The following ABL1 variants were observed in gnomAD, a reference collection of about 807,000 sequenced individuals.
ABL1 encodes ABL proto-oncogene 1, non-receptor tyrosine kinase.
ABL1 carries 11 observed loss-of-function variants against 94.7 expected under a neutral mutation model. The observed-to-expected ratio is 0.12, with a 90% confidence interval of 0.07 to 0.19. ABL1 has a LOEUF of 0.19. Among genes scored for constraint, ABL1 ranks in the 10% least tolerant of loss-of-function variants. The pLI is 1.00. For missense variants in ABL1, 1,082 were observed against 1,489.4 expected (o/e 0.73, Z 4.50); for synonymous variants, 656 against 622.4 (o/e 1.05, Z -0.80).
chr9:130,753,422 C>CTTTT (rs71389347), intron 1 of ABL1, among the ~76,000 whole-genome samples: 427 of 90,148 alleles, frequency 4.7e-3, no homozygotes, highest in African/African-American at 0.011. Flanking sequence ...TTTTTCTTTT[C>CTTTT]TTTTTTTTTT....
chr9:130,884,055 C>T lies in ABL1; in HGVS notation c.1765C>T (p.Arg589Cys), dbSNP rs754252285. 12 of 1,613,810 alleles carry T rather than the reference C, an allele frequency of 7.4e-6. No individual in the cohort carries two copies. The highest frequency in any genetic ancestry group is 1.6e-4 in the Middle Eastern group (1 of 6,084). The change falls in exon 11 of 11, where the codon CGC becomes TGC. Residue 589 changes from arginine (R) to cysteine (C), a missense_variant. Physicochemically the swap from Arg to Cys is radical, Grantham distance 180 (BLOSUM62 -3). Coordinates refer to ENST00000318560, the MANE Select transcript of ABL1 (RefSeq NM_005157.6). This position sits in a 1 kb window ranked among gnomAD's most constrained non-coding sequence, Gnocchi z 5.6. The stretch of plus-strand genomic sequence containing the variant: ...GGAGGGCGGCCTGAATGAAGATGAG[C>T]GCCTTCTCCCCAAAGACAAAAAGAC... ...PPEGGLNEDE[R>C]LLPKDKKTNL... is the part of the protein sequence containing the mutation.
chr9:130,816,066 A>G (rs1830282473), intron 1 of ABL1, among the ~76,000 whole-genome samples: 1 of 152,000 alleles, frequency 6.6e-6, no homozygotes, highest in Non-Finnish European at 1.5e-5. Context: ...CCTGGCAGTC[A>G]CCTGTGAGGC....
rs869234280 is a variant in ABL1, at chr9:130,859,677, C to CTTTTTTTTTTTTT, written c.550-3069_550-3057dup. Among the ~76,000 whole-genome samples the CTTTTTTTTTTTTT allele has an allele frequency of 9.9e-4, 78 of 78,452 alleles. 21 individuals are homozygous for CTTTTTTTTTTTTT. Among genetic ancestry groups the CTTTTTTTTTTTTT allele is most frequent in the African/African-American group, 4.6e-3 (68 of 14,850 alleles). 51.5% of individuals were successfully genotyped at this position (78,452 alleles called of 152,430 possible). ...AAACGCTGTTTCTTTTCTTTCTTTC[C>CTTTTTTTTTTTTT]TTTTTTTTTTTTTTTTTTTTTTTTT... is the stretch of plus-strand genomic sequence containing the variant. On this transcript the variant is annotated intron_variant, in intron 3 of 10. Coordinates refer to ENST00000318560, the MANE Select transcript of ABL1 (RefSeq NM_005157.6).
At chr9:130,810,451 G>A (rs951079587) in intron 1 of ABL1, among the ~76,000 whole-genome samples, 1 of 152,084 alleles carries the variant, frequency 6.6e-6, no homozygotes, top group East Asian at 1.9e-4. Flanking sequence ...AGCCAAGATC[G>A]TACCACTGCA....
At position 130,886,288 on chromosome 9, in the gene ABL1, C is replaced by T. The variant is rs33977130; in HGVS notation, c.*605C>T. On this transcript the variant is annotated 3_prime_UTR_variant, in exon 11 of 11. Transcript: ENST00000318560. ...GTGGGGTGCACTCGCCATTTCCTCA[C>T]GTGCAGGACAGCTCTTGATTTGGGT... is the stretch of plus-strand genomic sequence containing the variant. The T allele has an allele frequency of 0.035, 8,226 of 235,018 alleles. 587 individuals carry two copies. Among genetic ancestry groups the T allele is most frequent in the African/African-American group, 0.16 (7,080 of 45,418 alleles). 14.6% of individuals were successfully genotyped at this position (235,018 alleles called of 1,614,324 possible). A position where few individuals can be genotyped will look rare whatever the true frequency, so the allele number is the denominator to read the frequency against.
chr9:130,853,986 C>T, intron 1 of ABL1, 78 bp from the exon 2 acceptor site: 6 of 1,435,010 alleles, frequency 4.2e-6, no homozygotes, highest in Non-Finnish European at 5.7e-6. Context: ...AATATTTTTG[C>T]TTCTGAGAAT....
intron 1 of ABL1, among the ~76,000 whole-genome samples, chr9:130,751,770 A>G (rs1831970522): frequency 6.6e-6 from 1 of 152,120 alleles, no homozygotes; most frequent in African/African-American, 2.4e-5. Flanking sequence ...GCCTCAGAAA[A>G]CCAAATGCTT....
intron 4 of ABL1, among the ~76,000 whole-genome samples, chr9:130,864,322 T>A (rs1831122115): frequency 6.6e-6 from 1 of 152,174 alleles, no homozygotes; most frequent in Non-Finnish European, 1.5e-5. Flanking sequence ...CTCAGCTCAC[T>A]GCAACCTCCG....
chr9:130,737,007 G>A (rs991037728), intron 1 of ABL1, among the ~76,000 whole-genome samples: 1 of 152,152 alleles, frequency 6.6e-6, no homozygotes, highest in Non-Finnish European at 1.5e-5. Flanking sequence ...TGCTGAGTAG[G>A]TGCTTTTCAG....
chr9:130,737,094 T>G (rs2132705635), intron 1 of ABL1, among the ~76,000 whole-genome samples: 1 of 152,158 alleles, frequency 6.6e-6, no homozygotes, highest in Non-Finnish European at 1.5e-5. Flanking sequence ...AAGTATCAGT[T>G]TTTTTGTTTT....
intron 1 of ABL1, among the ~76,000 whole-genome samples, chr9:130,762,909 C>CAAAAAAA: frequency 1.1e-5 from 1 of 92,864 alleles, no homozygotes; most frequent in African/African-American, 3.4e-5. Flanking sequence ...GACTCCGTCT[C>CAAAAAAA]AAAAAAAAAA....
chr9:130,884,805 G>C lies in ABL1; in HGVS notation c.2515G>C (p.Gly839Arg), dbSNP rs757954939. 2.5e-6 allele frequency: 4 copies of C among 1,608,908 alleles called. No homozygotes were observed. The highest frequency in any genetic ancestry group is 3.4e-6 in the Non-Finnish European group (4 of 1,177,506). ...GLPHKEEAGK[G>R]SALGTPAAAE... ...CCCCCACAAGGAAGAAGCTGGAAAG[G>C]GCAGTGCCTTAGGGACCCCTGCTGC... Residue 839 changes from glycine to arginine, a missense_variant, in exon 11 of 11, where the codon GGC becomes CGC. By Grantham distance (125) the Gly-to-Arg change is moderately radical. Transcript: ENST00000318560. This position sits in a 1 kb window ranked among gnomAD's most constrained non-coding sequence, Gnocchi z 5.6.
intron 1 of ABL1, among the ~76,000 whole-genome samples, chr9:130,743,896 C>G (rs1831850799): frequency 6.6e-6 from 1 of 151,880 alleles, no homozygotes; most frequent in African/African-American, 2.4e-5. Flanking sequence ...GGGGAGGTGG[C>G]CATCAAGAGG....
rs145102971 is a variant in ABL1 at position 130,734,274 on chromosome 9, C to T, written c.136+19819C>T. Among the ~76,000 whole-genome samples the T allele has an allele frequency of 8.1e-3, 1,199 of 148,724 alleles. 15 individuals carry two copies. The highest frequency in any genetic ancestry group is 0.028 in the African/African-American group (1,112 of 39,896). ...TGTCACCCAGGCTGGAGTGCAGTGG[C>T]GCGATCTCGGCTCACTGCCAGCTCT... On this transcript the variant is annotated intron_variant, in intron 1 of 10. Transcript: ENST00000372348.
upstream of ABL1, among the ~76,000 whole-genome samples, chr9:130,830,654 C>T (rs1386570566): frequency 3.9e-5 from 6 of 152,210 alleles, no homozygotes; most frequent in Non-Finnish European, 8.8e-5. Context: ...TAGGCAGGAA[C>T]ACAGACCTGA....
At chr9:130,830,046 C>CT (rs1264289427) in intron 1 of ABL1, among the ~76,000 whole-genome samples, 1 of 151,906 alleles carries the variant, frequency 6.6e-6, no homozygotes, top group Admixed American at 6.6e-5. Flanking sequence ...TATTTTTAGC[C>CT]TTTTTTACAA....
chr9:130,874,735 C>A, intron 6 of ABL1, 133 bp from the exon 7 acceptor site: 1 of 914,650 alleles, frequency 1.1e-6, no homozygotes, highest in Non-Finnish European at 1.7e-6. Flanking sequence ...TTGCCGTGGG[C>A]ATTAATACAA....
intron 1 of ABL1, among the ~76,000 whole-genome samples, chr9:130,723,775 G>C (rs1831544159): frequency 1.3e-5 from 2 of 152,032 alleles, no homozygotes; most frequent in Non-Finnish European, 2.9e-5. Context: ...AGAGAGTGTT[G>C]AAACGTAGGT....
At chr9:130,772,900 G>A (rs1455147277) in intron 1 of ABL1, among the ~76,000 whole-genome samples, 1 of 152,176 alleles carries the variant, frequency 6.6e-6, no homozygotes, top group East Asian at 1.9e-4. Flanking sequence ...GCTGGTGATA[G>A]GACAGATTAT....
Sources: gnomAD v4.1 joint callset for allele counts (sites outside exome capture counted in the v4.1 genomes callset) on GRCh38, gnomAD v4.1.1 for gene constraint, Gnocchi (gnomAD v3.1) non-coding constraint, MANE v1.5 for transcripts, NCBI Gene and HGNC (gene_info 2026-07-23, HGNC 2026-07-21) for gene names.